Variants in P4HA1 observed in about 807,000 individuals in gnomAD.
P4HA1 encodes the protein prolyl 4-hydroxylase subunit alpha-1.
In P4HA1, 24 loss-of-function variants were observed where a neutral mutation model predicts 72.8. The observed-to-expected ratio is 0.33, with a 90% confidence interval of 0.24 to 0.46. The LOEUF (loss-of-function observed/expected upper bound fraction) is 0.46, where lower values mean the gene tolerates loss of function less well. Among genes scored for constraint, P4HA1 ranks in the 20% least tolerant of loss-of-function variants. P4HA1 has a pLI of 1.00. For missense variants in P4HA1, 446 were observed against 640.6 expected, an observed-to-expected ratio of 0.70 and a Z score of 3.28; for synonymous variants, 201 against 218.8, an observed-to-expected ratio of 0.92 and a Z score of 0.72.
rs374026075 is a variant in P4HA1, at chr10:73,084,329, GT to G, written c.-32-9415del. ...TTGTATTGTTTGGGGGTCTGGCTTT[GT>G]TGCCCAGTCTGGAGTGCAGTGGAGC... On this transcript the variant is annotated intron_variant, in intron 1 of 14. Transcript: ENST00000394890. Among the ~76,000 whole-genome samples, 682 of 152,348 alleles carry G rather than the reference GT, an allele frequency of 4.5e-3. 2 individuals are homozygous for G. The highest frequency in any genetic ancestry group is 6.7e-3 in the Non-Finnish European group (459 of 68,034).
chr10:73,067,012 C>CA (rs1480511247), intron 5 of P4HA1, among the ~76,000 whole-genome samples: 2 of 152,132 alleles, frequency 1.3e-5, no homozygotes, highest in African/African-American at 4.8e-5. Flanking sequence ...GGACTACAAG[C>CA]AAGCACCACA....
At chr10:73,062,499 T>C (rs72812265) in intron 5 of P4HA1, among the ~76,000 whole-genome samples, 1,535 of 152,294 alleles carry the variant, frequency 0.01, 19 homozygotes, top group Non-Finnish European at 0.016. Flanking sequence ...TAGTATAATA[T>C]TGTATTTGAC....
At chr10:73,046,477 A>G (rs758308761) in intron 8 of P4HA1, among the ~76,000 whole-genome samples, 11 of 152,202 alleles carry the variant, frequency 7.2e-5, no homozygotes, top group Non-Finnish European at 1.5e-4. Flanking sequence ...TCAAATTAAC[A>G]TAATACTTGT....
At chr10:73,047,549 CAA>C (rs1167975608) in intron 7 of P4HA1, among the ~76,000 whole-genome samples, 71 of 59,096 alleles carry the variant, frequency 1.2e-3, no homozygotes, top group Non-Finnish European at 1.6e-3. Context: ...ATGCTTGTGG[CAA>C]AAAAAAAAAA....
At chr10:73,051,304 TCA>T in intron 6 of P4HA1, 55 bp from the exon 7 acceptor site, 2 of 934,764 alleles carry the variant, frequency 2.1e-6, no homozygotes, top group Non-Finnish European at 3.3e-6. Flanking sequence ...TGTTCAAGCA[TCA>T]GAATATAGTA....
chr10:73,017,197 ATGTATATATAGATAT>A (rs1840026761), intron 10 of P4HA1, among the ~76,000 whole-genome samples: 1 of 145,982 alleles, frequency 6.9e-6, no homozygotes, highest in Non-Finnish European at 1.5e-5. Flanking sequence ...ATATCTACAG[ATGTATATATAGATAT>A]CTATATCTAC....
At chr10:73,080,255 C>T (rs150629284) in intron 1 of P4HA1, among the ~76,000 whole-genome samples, 17 of 152,298 alleles carry the variant, frequency 1.1e-4, no homozygotes, top group Non-Finnish European at 2.1e-4. Flanking sequence ...ACTAACATGC[C>T]TACCCAAGCT....
intron 11 of P4HA1, among the ~76,000 whole-genome samples, chr10:73,015,804 C>G (rs938144468): frequency 6.6e-6 from 1 of 151,710 alleles, no homozygotes; most frequent in East Asian, 1.9e-4. Flanking sequence ...TTTGGAACAC[C>G]CTTTACTTTC....
intron 10 of P4HA1, among the ~76,000 whole-genome samples, chr10:73,019,383 GA>G (rs1418487458): frequency 6.6e-6 from 1 of 152,056 alleles, no homozygotes; most frequent in Non-Finnish European, 1.5e-5. Context: ...AATGAAATAT[GA>G]CACTGCTGAG....
At chr10:73,052,174 G>A (rs1480340531) in intron 6 of P4HA1, among the ~76,000 whole-genome samples, 5 of 149,920 alleles carry the variant, frequency 3.3e-5, no homozygotes, top group Admixed American at 6.6e-5. Flanking sequence ...AGATGACTAC[G>A]CTACCCATCT....
chr10:73,067,256 G>A (rs1160260153), intron 5 of P4HA1, among the ~76,000 whole-genome samples: 1 of 152,164 alleles, frequency 6.6e-6, no homozygotes, highest in East Asian at 1.9e-4. Flanking sequence ...ACTCTAATAA[G>A]TAGCTTGATA....
chr10:73,062,380 A>G (rs1194556466), intron 5 of P4HA1, among the ~76,000 whole-genome samples: 1 of 152,208 alleles, frequency 6.6e-6, no homozygotes, highest in African/African-American at 2.4e-5. Flanking sequence ...TATAAAAAAA[A>G]AATGACAGGT....
At position 73,034,046 on chromosome 10, in the gene P4HA1, CA is replaced by C. The variant is rs375509572; in HGVS notation, c.1149-3677del. On this transcript the variant is annotated intron_variant, in intron 9 of 14. Transcript: ENST00000394890. ...GCAACCTAGCAAGACCCTGTCTCCA[CA>C]AAAAAAGTTTAAAAATTAGCCAGGC... Among the ~76,000 whole-genome samples, 79 of 152,090 alleles carry C rather than the reference CA, an allele frequency of 5.2e-4. 1 individual carries two copies. In the East Asian group the frequency reaches 0.015, roughly 29 times the overall value.
chr10:73,046,585 C>G (rs1840870981), intron 8 of P4HA1, among the ~76,000 whole-genome samples: 1 of 152,116 alleles, frequency 6.6e-6, no homozygotes, highest in Admixed American at 6.5e-5. Flanking sequence ...AGTGAAAAAG[C>G]TGGGCTTTGA....
intron 13 of P4HA1, 103 bp downstream of exon 13, chr10:73,010,866 A>C: frequency 1.2e-6 from 1 of 863,326 alleles, no homozygotes. Flanking sequence ...TCAAAAAATG[A>C]AAAAGAAAAA....
rs1403927910 is a variant in P4HA1 at position 73,034,479 on chromosome 10, ATTCTACG to A, written c.1149-4116_1149-4110del. 7.9e-5 allele frequency among the ~76,000 whole-genome samples: 12 copies of A among 151,902 alleles called. No individual in the cohort carries two copies. In the East Asian group the frequency reaches 2.1e-3, roughly 27 times the overall value. ...TCCTCACAACCCCTGGTAATCCTCT[ATTCTACG>A]TTCTGTCTGTATGGATTTGCCTATT... On this transcript the variant is annotated intron_variant, in intron 9 of 14. Coordinates refer to ENST00000394890, the MANE Select transcript of P4HA1 (RefSeq NM_001017962.3).
chr10:73,013,979 A>G (rs1839963432), intron 12 of P4HA1, among the ~76,000 whole-genome samples: 1 of 152,224 alleles, frequency 6.6e-6, no homozygotes, highest in Non-Finnish European at 1.5e-5. Flanking sequence ...ATGTTAAAAT[A>G]TTAATGATTA....
chr10:73,031,424 G>T lies in P4HA1; in HGVS notation c.1149-1054C>A, dbSNP rs371640537. ...CGCTTGAGCATGGGAGTTTGAGGCTGCAGTGAATTATGATCACACCACTGC... is the reference window on the plus strand; with the variant it reads ...CGCTTGAGCATGGGAGTTTGAGGCTTCAGTGAATTATGATCACACCACTGC... On this transcript the variant is annotated intron_variant, in intron 9 of 14. Coordinates refer to ENST00000394890, the MANE Select transcript of P4HA1 (RefSeq NM_001017962.3). 1.8e-4 allele frequency among the ~76,000 whole-genome samples: 27 copies of T among 152,192 alleles called. No individual in the cohort carries two copies. The East Asian group carries it at 1.9e-3, about 11-fold the overall frequency.
rs776298493 is a variant in P4HA1 at position 73,047,066 on chromosome 10, G to A, written c.936C>T (p.Tyr312=). The change falls in exon 8 of 15, where the codon TAC becomes TAT. Residue 312 remains tyrosine (Y), a synonymous_variant. Coordinates refer to ENST00000394890, the MANE Select transcript of P4HA1 (RefSeq NM_001017962.3). ...ATTTAGGATTACGGTTTCCATCATG[G>A]TAGCGGCAAAAGAGTTTTTTCTGTC... is the stretch of plus-strand genomic sequence containing the variant. ...PRRQKKLFCR[Y]HDGNRNPKFI... is the part of the protein sequence containing the mutation. 2 of 1,613,700 alleles carry A rather than the reference G, an allele frequency of 1.2e-6. No individual in the cohort carries two copies. The highest frequency in any genetic ancestry group is 2.2e-5 in the South Asian group (2 of 91,066).
Sources: gnomAD v4.1 joint callset for allele counts (sites outside exome capture counted in the v4.1 genomes callset) on GRCh38, gnomAD v4.1.1 for gene constraint, MANE v1.5 for transcripts, NCBI Gene and HGNC (gene_info 2026-07-23, HGNC 2026-07-21) for gene names.